Variants in ROBO2 observed in about 807,000 individuals in gnomAD.
ROBO2 encodes the protein roundabout guidance receptor 2, also known as roundabout homolog 2.
Under a neutral mutation model 160.8 loss-of-function variants are expected in ROBO2, and 53 were observed. The ratio of observed to expected loss-of-function variants is 0.33; its 90% CI spans 0.26 to 0.41. The LOEUF is 0.41. Among genes scored for constraint, ROBO2 ranks in the 10% least tolerant of loss-of-function variants. The pLI is 1.00. For missense variants in ROBO2, 1,577 were observed against 1,722.4 expected (o/e 0.92, Z 1.49); for synonymous variants, 664 against 611.7 (o/e 1.09, Z -1.26).
chr3:75,953,684 T>C (rs1276302191), intron 2 of ROBO2, among the ~76,000 whole-genome samples: 1 of 151,872 alleles, frequency 6.6e-6, no homozygotes, highest in Non-Finnish European at 1.5e-5. Flanking sequence ...TTTCAAACAG[T>C]CATAAAGTTT....
At chr3:77,446,464 G>A (rs1451419267) in intron 2 of ROBO2, among the ~76,000 whole-genome samples, 8 of 152,022 alleles carry the variant, frequency 5.3e-5, no homozygotes, top group Admixed American at 5.2e-4. Flanking sequence ...TTGCACCCAA[G>A]TGCAGCTAAC....
exon 1 of ROBO2, chr3:77,040,019 G>T (rs753274213): frequency 1.2e-6 from 1 of 806,922 alleles, no homozygotes; most frequent in Non-Finnish European, 1.5e-6. Context: ...CGGCACCGCG[G>T]GGGTGTCTGC....
chr3:76,318,728 A>G (rs982903668), intron 2 of ROBO2, among the ~76,000 whole-genome samples: 1 of 152,168 alleles, frequency 6.6e-6, no homozygotes, highest in Non-Finnish European at 1.5e-5. Context: ...TCTTAGTCCC[A>G]GAGCAATTTC....
Position 77,551,008 on chromosome 3 carries a change from A to G in ROBO2, c.1231+19A>G, listed in dbSNP as rs777703246. The G allele has an allele frequency of 6.2e-7, 1 of 1,611,548 alleles. No individual in the cohort carries two copies. Among genetic ancestry groups the G allele is most frequent in the East Asian group, 2.2e-5 (1 of 44,800 alleles). On this transcript the variant is annotated intron_variant, in intron 8 of 25. Transcript: ENST00000461745. ...ACTGATGGTGCGATATCTTTACTAG[A>G]TTTGTCTTATGAAAACATTGATTTT...
intron 2 of ROBO2, among the ~76,000 whole-genome samples, chr3:76,428,745 A>G (rs1224058369): frequency 6.6e-6 from 1 of 152,184 alleles, no homozygotes; most frequent in Non-Finnish European, 1.5e-5. Context: ...AATACTTGGG[A>G]TAGAACTTTG....
chr3:77,400,929 C>T (rs1462667842), intron 2 of ROBO2, among the ~76,000 whole-genome samples: 6 of 152,020 alleles, frequency 3.9e-5, no homozygotes, highest in African/African-American at 1.2e-4. Flanking sequence ...TTATTCTGTT[C>T]GAAGTCAGTT....
chr3:76,931,043 C>T (rs372755053), intron 2 of ROBO2, among the ~76,000 whole-genome samples: 1 of 152,106 alleles, frequency 6.6e-6, no homozygotes, highest in Non-Finnish European at 1.5e-5. Flanking sequence ...ATTTTCATCT[C>T]TGTTTTCACT....
In ROBO2 at chr3:76,436,159, A is replaced by AACACACACACACAC. The variant is rs3065704; in HGVS notation, c.109+498566_109+498579dup. The stretch of plus-strand genomic sequence containing the variant: ...CCTACAGAGATGACTTTAAAAGGAA[A>AACACACACACACAC]ACACACACACACACACACACACCAT... On this transcript the variant is annotated intron_variant, in intron 2 of 26. Coordinates refer to the ROBO2 transcript ENST00000487694. Among the ~76,000 whole-genome samples, 1,263 of 140,590 alleles carry AACACACACACACAC rather than the reference A, an allele frequency of 9.0e-3. 19 individuals carry two copies. The highest frequency in any genetic ancestry group is 0.03 in the African/African-American group (1,134 of 37,404). The allele number at this position is 140,590 out of a possible 152,430, so 92.2% of individuals were successfully genotyped here. A position where few individuals can be genotyped will look rare whatever the true frequency, so the allele number is the denominator to read the frequency against.
intron 2 of ROBO2, among the ~76,000 whole-genome samples, chr3:77,236,579 C>T (rs184034369): frequency 6.6e-6 from 1 of 152,258 alleles, no homozygotes; most frequent in Non-Finnish European, 1.5e-5. Flanking sequence ...CATGGGTACA[C>T]TATTGGTTGG....
At chr3:77,557,983 C>T (rs1344992771) in exon 9 of ROBO2, 1 of 1,613,100 alleles carries the variant, frequency 6.2e-7, no homozygotes, top group Non-Finnish European at 8.5e-7. Context: ...CTACAAGGCC[C>T]AGCCAACCAA....
chr3:76,471,760 A>G (rs534197180), intron 2 of ROBO2, among the ~76,000 whole-genome samples: 1 of 152,134 alleles, frequency 6.6e-6, no homozygotes, highest in Non-Finnish European at 1.5e-5. Context: ...ATTGACTCAC[A>G]GTTCTGCAGG....
chr3:76,179,260 C>T (rs1043197583), intron 2 of ROBO2, among the ~76,000 whole-genome samples: 3 of 152,020 alleles, frequency 2.0e-5, no homozygotes, highest in African/African-American at 7.2e-5. Flanking sequence ...CTTCATGGGG[C>T]CTCCAGTCTA....
intron 8 of ROBO2, 67 bp downstream of exon 9, chr3:77,551,056 A>G: frequency 6.5e-7 from 1 of 1,532,554 alleles, no homozygotes. Flanking sequence ...CACGTTAACC[A>G]TGTGGAGTTT....
At chr3:76,408,774 T>A (rs2075341829) in intron 2 of ROBO2, among the ~76,000 whole-genome samples, 1 of 152,110 alleles carries the variant, frequency 6.6e-6, no homozygotes, top group South Asian at 2.1e-4. Flanking sequence ...TATCTTTATG[T>A]AAATTTGGTG....
intron 2 of ROBO2, among the ~76,000 whole-genome samples, chr3:76,602,560 A>T (rs1010208609): frequency 6.6e-6 from 1 of 152,230 alleles, no homozygotes; most frequent in Non-Finnish European, 1.5e-5. Flanking sequence ...ATCAAGTGAA[A>T]GGGGTTCCCC....
At chr3:75,936,435 G>C (rs1947785037) in intron 1 of ROBO2, among the ~76,000 whole-genome samples, 2 of 152,076 alleles carry the variant, frequency 1.3e-5, no homozygotes. Flanking sequence ...TGGGATTTAG[G>C]AGTAACCTCT....
At chr3:76,547,028 A>T (rs964854059) in intron 2 of ROBO2, among the ~76,000 whole-genome samples, 2 of 151,978 alleles carry the variant, frequency 1.3e-5, no homozygotes, top group African/African-American at 4.8e-5. Context: ...TACTCTAGAG[A>T]GTCTTCAAAG....
intron 2 of ROBO2, among the ~76,000 whole-genome samples, chr3:76,499,104 A>G (rs1298877648): frequency 3.9e-5 from 6 of 152,160 alleles, no homozygotes; most frequent in African/African-American, 1.4e-4. Flanking sequence ...CTCATTACCC[A>G]GAACTCCAAA....
At chr3:77,642,158 A>G (rs2095359254) in intron 24 of ROBO2, among the ~76,000 whole-genome samples, 1 of 152,218 alleles carries the variant, frequency 6.6e-6, no homozygotes, top group South Asian at 2.1e-4. Flanking sequence ...ATGTTGTTAA[A>G]TGTGCCACAT....
Sources: gnomAD v4.1 joint callset for allele counts (sites outside exome capture counted in the v4.1 genomes callset) on GRCh38, gnomAD v4.1.1 for gene constraint, MANE v1.5 for transcripts, NCBI Gene and HGNC (gene_info 2026-07-23, HGNC 2026-07-21) for gene names.